Variants in KCNAB1 observed in about 807,000 individuals in gnomAD.
KCNAB1 encodes the protein voltage-gated potassium channel subunit beta-1.
A neutral mutation model predicts 64.6 loss-of-function variants in KCNAB1; 35 were observed. The observed-to-expected ratio is 0.54, with a 90% CI of 0.41 to 0.72. The LOEUF is 0.72. Ranked by LOEUF, KCNAB1 falls within the 30% of genes least tolerant of loss-of-function variation. KCNAB1 has a pLI of 0.00. For synonymous variants in KCNAB1, 177 were observed against 183.8 expected (o/e 0.96, Z 0.30); for missense variants, 401 against 512.9 (o/e 0.78, Z 2.11).
chr3:156,310,202 G>A (rs537428081), intron 1 of KCNAB1, among the ~76,000 whole-genome samples: 1 of 152,288 alleles, frequency 6.6e-6, no homozygotes, highest in East Asian at 1.9e-4. Context: ...CCCAAGCCAA[G>A]AGGGAGACTC....
At position 156,516,268 on chromosome 3, in the gene KCNAB1, A is replaced by G. The variant is rs759611032; in HGVS notation, c.866-2A>G. 6.2e-7 allele frequency: 1 copy of G among 1,610,786 alleles called. No individual in the cohort carries two copies. The highest frequency in any genetic ancestry group is 8.5e-7 in the Non-Finnish European group (1 of 1,177,024). ...CAACTTTCTAAGTTTTTTCTTCTGT[A>G]GGTGTTGGCGCAATGACATGGTCTC... is the stretch of plus-strand genomic sequence containing the variant. On this transcript the variant is annotated splice_acceptor_variant, in intron 10 of 13. Transcript: ENST00000490337. LOFTEE classifies it high-confidence loss of function.
intron 1 of KCNAB1, among the ~76,000 whole-genome samples, chr3:156,329,674 G>T (rs1432639206): frequency 6.6e-6 from 1 of 152,070 alleles, no homozygotes; most frequent in Non-Finnish European, 1.5e-5. Context: ...CTAAGGAAGA[G>T]AAAGAAGCTG....
chr3:156,503,306 G>T (rs1206151485), intron 8 of KCNAB1, among the ~76,000 whole-genome samples: 1 of 152,206 alleles, frequency 6.6e-6, no homozygotes, highest in Non-Finnish European at 1.5e-5. Context: ...AAAACTGGGG[G>T]TGGTGATAAA....
chr3:156,381,114 C>T (rs1712124483), intron 1 of KCNAB1, among the ~76,000 whole-genome samples: 1 of 151,984 alleles, frequency 6.6e-6, no homozygotes, highest in Non-Finnish European at 1.5e-5. Context: ...TGGCATTTCT[C>T]AATTGAAAAT....
chr3:156,537,114 A>G lies in KCNAB1; in HGVS notation c.*367A>G. ...TTTTTCAAAAGAACAAAATCCACAG[A>G]TGCAATGTGAGTTGCGTAAGAAACA... On this transcript the variant is annotated 3_prime_UTR_variant, in exon 14 of 14. Transcript: ENST00000490337. The G allele has an allele frequency of 2.5e-6, 1 of 402,146 alleles. No individual in the cohort carries two copies. The allele number at this position is 402,146 out of a possible 1,614,324, so 24.9% of individuals were successfully genotyped here. A position where few individuals can be genotyped will look rare whatever the true frequency, so the allele number is the denominator to read the frequency against.
Position 156,452,779 on chromosome 3 carries a change from G to A in KCNAB1, c.320-120G>A. 1 of 679,886 alleles carries A rather than the reference G, an allele frequency of 1.5e-6. No individual in the cohort carries two copies. Among genetic ancestry groups the A allele is most frequent in the Non-Finnish European group, 2.6e-6 (1 of 390,310 alleles). 42.1% of individuals were successfully genotyped at this position (679,886 alleles called of 1,614,324 possible). A position where few individuals can be genotyped will look rare whatever the true frequency, so the allele number is the denominator to read the frequency against. ...CAGCCCACATGTGCCCCTCATCCAGGTACCTTTGTGAACTACCCATACAAC... is the reference window on the plus strand; with the variant it reads ...CAGCCCACATGTGCCCCTCATCCAGATACCTTTGTGAACTACCCATACAAC... On this transcript the variant is annotated intron_variant, in intron 2 of 13. Coordinates refer to ENST00000490337, the MANE Select transcript of KCNAB1 (RefSeq NM_172160.3). The surrounding 1 kb of genome is among the most constrained non-coding windows in gnomAD (Gnocchi z 4.6).
chr3:156,215,278 G>A (rs1415148734), intron 1 of KCNAB1, among the ~76,000 whole-genome samples: 1 of 152,180 alleles, frequency 6.6e-6, no homozygotes, highest in Non-Finnish European at 1.5e-5. Context: ...CAAGGCATAA[G>A]TCATGGAGAG....
intron 1 of KCNAB1, among the ~76,000 whole-genome samples, chr3:156,259,929 A>G (rs1206174981): frequency 6.6e-6 from 1 of 151,982 alleles, no homozygotes; most frequent in African/African-American, 2.4e-5. Flanking sequence ...TGCCATCCAG[A>G]CCCAGTGTTA....
chr3:156,341,786 A>G (rs1724132938), intron 1 of KCNAB1, among the ~76,000 whole-genome samples: 1 of 152,200 alleles, frequency 6.6e-6, no homozygotes, highest in African/African-American at 2.4e-5. Flanking sequence ...ACCATAAACT[A>G]GTTTCACAAA....
chr3:156,171,336 T>G (rs148118156), intron 1 of KCNAB1, among the ~76,000 whole-genome samples: 3 of 152,282 alleles, frequency 2.0e-5, no homozygotes, highest in African/African-American at 7.2e-5. Flanking sequence ...TAAATGTCAT[T>G]GAATAATTGC....
At chr3:156,225,462 T>TGA (rs1353828335) in intron 1 of KCNAB1, among the ~76,000 whole-genome samples, 3 of 152,172 alleles carry the variant, frequency 2.0e-5, no homozygotes, top group Non-Finnish European at 4.4e-5. Flanking sequence ...ACAGCCAATA[T>TGA]TATACTGAAC....
At chr3:156,272,060 C>T (rs1363350397) in intron 1 of KCNAB1, among the ~76,000 whole-genome samples, 1 of 152,250 alleles carries the variant, frequency 6.6e-6, no homozygotes, top group Non-Finnish European at 1.5e-5. Context: ...CATACAGAGT[C>T]TGTCTCTCTC....
intron 1 of KCNAB1, among the ~76,000 whole-genome samples, chr3:156,179,502 C>A (rs1014163367): frequency 2.7e-5 from 4 of 146,028 alleles, no homozygotes; most frequent in Admixed American, 1.4e-4. Flanking sequence ...AAGGACCCAG[C>A]CACATACATG....
At chr3:156,265,511 T>C (rs1421692877) in intron 1 of KCNAB1, among the ~76,000 whole-genome samples, 2 of 152,310 alleles carry the variant, frequency 1.3e-5, no homozygotes, top group South Asian at 2.1e-4. Context: ...GATTCTTTCA[T>C]GTGGACGTGA....
At chr3:156,427,805 T>C (rs1410000984) in intron 2 of KCNAB1, among the ~76,000 whole-genome samples, 2 of 152,202 alleles carry the variant, frequency 1.3e-5, no homozygotes, top group Middle Eastern at 3.2e-3. Context: ...AGGCTGGGTT[T>C]AGACCCAGAG....
intron 1 of KCNAB1, among the ~76,000 whole-genome samples, chr3:156,256,487 T>A (rs1479028521): frequency 6.6e-6 from 1 of 152,014 alleles, no homozygotes; most frequent in Non-Finnish European, 1.5e-5. Context: ...ATGGAGGAGG[T>A]GGTTTCCTAT....
At chr3:156,219,149 T>C (rs1293224380) in intron 1 of KCNAB1, among the ~76,000 whole-genome samples, 1 of 151,990 alleles carries the variant, frequency 6.6e-6, no homozygotes, top group African/African-American at 2.4e-5. Context: ...AGGTCAATTA[T>C]TAGGCTAACC....
intron 1 of KCNAB1, among the ~76,000 whole-genome samples, chr3:156,141,361 A>T (rs572583207): frequency 1.6e-4 from 24 of 152,320 alleles, no homozygotes; most frequent in African/African-American, 5.5e-4. Flanking sequence ...GTTCCATTAT[A>T]AGAATCCCAC....
intron 2 of KCNAB1, chr3:156,441,212 C>T (rs1010785121): frequency 1.3e-5 from 2 of 152,132 alleles, no homozygotes; most frequent in African/African-American, 4.8e-5. Context: ...TATAAGCACA[C>T]ACTGTGTTTT....
Sources: allele counts gnomAD v4.1 joint callset (sites outside exome capture counted in the v4.1 genomes callset), GRCh38; gene constraint gnomAD v4.1.1; non-coding constraint Gnocchi (gnomAD v3.1); transcripts MANE v1.5; gene names NCBI Gene and HGNC (gene_info 2026-07-23, HGNC 2026-07-21).